SHC4: variants seen among roughly 807,000 people sequenced by gnomAD.
SHC4 encodes SHC-transforming protein 4.
In SHC4, 41 loss-of-function variants were observed where a neutral mutation model predicts 69.4. The ratio of observed to expected loss-of-function variants is 0.59; its 90% CI spans 0.46 to 0.77. The LOEUF is 0.77. Ranked by LOEUF, SHC4 falls within the 30% of genes least tolerant of loss-of-function variation. The pLI, the probability that SHC4 is intolerant of heterozygous loss-of-function variation, is 0.00. For missense variants in SHC4, 777 were observed against 783.8 expected (o/e 0.99, Z 0.10); for synonymous variants, 318 against 299.3 (o/e 1.06, Z -0.64).
At chr15:48,927,616 C>A (rs1190393165) in intron 1 of SHC4, among the ~76,000 whole-genome samples, 1 of 152,104 alleles carries the variant, frequency 6.6e-6, no homozygotes. Flanking sequence ...GGGTTCCTGG[C>A]CCCAGCTCAC....
chr15:48,923,424 C>A (rs1447270407), intron 2 of SHC4, among the ~76,000 whole-genome samples: 6 of 151,634 alleles, frequency 4.0e-5, no homozygotes, highest in African/African-American at 1.5e-4. Context: ...GTGGCGGGCA[C>A]CTGTAGTCCC....
chr15:48,882,826 A>T (rs975052282), intron 4 of SHC4, among the ~76,000 whole-genome samples: 1 of 152,198 alleles, frequency 6.6e-6, no homozygotes, highest in Admixed American at 6.5e-5. Context: ...TTGCATCTAC[A>T]TATGTATTGA....
chr15:48,917,893 T>C (rs150648540), intron 2 of SHC4, among the ~76,000 whole-genome samples: 2 of 152,336 alleles, frequency 1.3e-5, no homozygotes, highest in East Asian at 3.9e-4. Context: ...TTCTCCTTTG[T>C]TTCAAAGGCT....
intron 7 of SHC4, 71 bp downstream of exon 7, chr15:48,857,621 C>A: frequency 2.3e-6 from 3 of 1,315,752 alleles, no homozygotes; most frequent in South Asian, 2.1e-5. Context: ...TATACACACA[C>A]AAATAAATAC....
chr15:48,905,964 A>G (rs1323284096), intron 2 of SHC4, among the ~76,000 whole-genome samples: 1 of 152,176 alleles, frequency 6.6e-6, no homozygotes, highest in African/African-American at 2.4e-5. Context: ...AATGTAGATC[A>G]TATTTTCCAT....
chr15:48,908,959 T>C (rs750160649), intron 2 of SHC4, among the ~76,000 whole-genome samples: 4 of 152,232 alleles, frequency 2.6e-5, no homozygotes, highest in Admixed American at 1.3e-4. Context: ...GGCACTATAG[T>C]ATCGTTTGAA....
intron 4 of SHC4, among the ~76,000 whole-genome samples, chr15:48,881,160 C>T (rs544145205): frequency 6.6e-5 from 10 of 152,028 alleles, no homozygotes; most frequent in Middle Eastern, 3.4e-3. Flanking sequence ...TATAAATGTT[C>T]GCTTAGATCA....
At chr15:48,945,236 AG>A (rs1178224545) in intron 1 of SHC4, among the ~76,000 whole-genome samples, 2 of 152,224 alleles carry the variant, frequency 1.3e-5, no homozygotes, top group African/African-American at 4.8e-5. Context: ...AAGTTCAAAA[AG>A]CTCAACCACT....
At chr15:48,956,127 C>T (rs552779209) in intron 1 of SHC4, among the ~76,000 whole-genome samples, 2 of 152,210 alleles carry the variant, frequency 1.3e-5, no homozygotes, top group Admixed American at 6.5e-5. Context: ...ACGTCTACTC[C>T]AAGAAAGAAA....
Position 48,962,123 on chromosome 15 carries a change from G to A in SHC4, c.585+308C>T, listed in dbSNP as rs28493547. ...TTTTGGCCAGAATACTAGGTCCAGC[G>A]GGGACAAAGTGGTGCCATCAGCTGC... is the stretch of plus-strand genomic sequence containing the variant. On this transcript the variant is annotated intron_variant, in intron 1 of 11. Transcript: ENST00000332408. Among the ~76,000 whole-genome samples the A allele has an allele frequency of 2.8e-3, 425 of 152,212 alleles. 3 individuals are homozygous for A. The highest frequency in any genetic ancestry group is 0.01 in the African/African-American group (417 of 41,536).
intron 10 of SHC4, among the ~76,000 whole-genome samples, chr15:48,836,300 A>G (rs1162641915): frequency 2.0e-5 from 3 of 152,182 alleles, no homozygotes; most frequent in Admixed American, 6.5e-5. Context: ...CTTAATTACT[A>G]AACTCTAAGG....
At chr15:48,846,448 A>C (rs1899094256) in intron 9 of SHC4, among the ~76,000 whole-genome samples, 1 of 152,176 alleles carries the variant, frequency 6.6e-6, no homozygotes, top group Non-Finnish European at 1.5e-5. Context: ...CAAGATGCTT[A>C]TCTCTTACAG....
intron 2 of SHC4, among the ~76,000 whole-genome samples, chr15:48,912,928 C>A (rs542557957): frequency 6.8e-6 from 1 of 147,294 alleles, no homozygotes; most frequent in South Asian, 2.2e-4. Flanking sequence ...GCACAGAGTC[C>A]TGCGATGTGA....
At chr15:48,868,519 A>T (rs766404517) in intron 5 of SHC4, among the ~76,000 whole-genome samples, 9 of 152,206 alleles carry the variant, frequency 5.9e-5, no homozygotes, top group Non-Finnish European at 1.3e-4. Context: ...AAACCAACAA[A>T]ACGCTACTTG....
intron 5 of SHC4, among the ~76,000 whole-genome samples, chr15:48,869,988 A>T (rs1899636928): frequency 6.6e-6 from 1 of 152,224 alleles, no homozygotes; most frequent in Non-Finnish European, 1.5e-5. Flanking sequence ...TGAAGAGAGT[A>T]TGAAAAAAAT....
intron 1 of SHC4, among the ~76,000 whole-genome samples, chr15:48,930,017 G>A (rs1164180206): frequency 6.6e-6 from 1 of 152,060 alleles, no homozygotes. Flanking sequence ...GAAATTACTG[G>A]GATTTTCAGA....
intron 8 of SHC4, 54 bp from the exon 9 acceptor site, chr15:48,851,302 C>T: frequency 6.4e-7 from 1 of 1,557,150 alleles, no homozygotes; most frequent in Non-Finnish European, 8.8e-7. Flanking sequence ...CATTCATAAA[C>T]TTAAAAGAAA....
intron 8 of SHC4, among the ~76,000 whole-genome samples, chr15:48,854,648 TA>T (rs1899277900): frequency 6.6e-6 from 1 of 152,148 alleles, no homozygotes; most frequent in Non-Finnish European, 1.5e-5. Context: ...CAAAAAAGAA[TA>T]AAATCATGTC....
intron 6 of SHC4, among the ~76,000 whole-genome samples, chr15:48,865,079 G>A (rs1208081214): frequency 6.6e-6 from 1 of 152,088 alleles, no homozygotes; most frequent in African/African-American, 2.4e-5. Context: ...TGCGTTTTAG[G>A]CACTGTTCTC....
Sources: gnomAD v4.1 joint callset for allele counts (sites outside exome capture counted in the v4.1 genomes callset) on GRCh38, gnomAD v4.1.1 for gene constraint, MANE v1.5 for transcripts, NCBI Gene and HGNC (gene_info 2026-07-23, HGNC 2026-07-21) for gene names.